The following ZNF701 variants were observed in gnomAD, a reference collection of about 807,000 sequenced individuals.
ZNF701 encodes zinc finger protein 701.
A neutral mutation model predicts 7.1 loss-of-function variants in ZNF701; 6 were observed. That is an observed-to-expected ratio of 0.84 (90% CI 0.46 to 1.66). ZNF701 has a LOEUF of 1.66. Among genes scored for constraint, ZNF701 ranks in the 40% most tolerant of loss-of-function variants. The probability of loss-of-function intolerance (pLI) is 0.01; values close to 1 mark genes in which losing one functional copy is unlikely to be tolerated. For synonymous variants in ZNF701, 166 were observed against 188.2 expected, an observed-to-expected ratio of 0.88 and a Z score of 0.97; for missense variants, 541 against 559.2, an observed-to-expected ratio of 0.97 and a Z score of 0.33.
At chr19:52,572,227 G>C in intron 1 of ZNF701, 1 of 352,986 alleles carries the variant, frequency 2.8e-6, no homozygotes, top group Non-Finnish European at 5.4e-6. Flanking sequence ...GATAATTTTT[G>C]TATTTTTAGT....
chr19:52,595,724 GATTTTTGCTTCCCAGAAATCAAGAAAGAT>G, the ZNF701 span: 2 of 1,555,570 alleles, frequency 1.3e-6, no homozygotes, highest in Non-Finnish European at 1.8e-6. Context: ...TCACACTGGA[GATTTTTGCTTCCCAGAAATCAAGAAAGAT>G]ATTCATCACT....
the ZNF701 span, chr19:52,597,256 A>T: frequency 3.6e-6 from 2 of 548,874 alleles, no homozygotes; most frequent in Non-Finnish European, 3.7e-6. Context: ...GAGAAACCTC[A>T]CAAGTGTGAT....
In ZNF701 at chr19:52,582,269, C is replaced by T. The variant is rs1249783332; in HGVS notation, c.210C>T (p.His70=). The change falls in exon 4 of 4, where the codon CAC becomes CAT. Residue 70 remains histidine, a synonymous_variant. Coordinates refer to ENST00000391785, the MANE Select transcript of ZNF701 (RefSeq NM_018260.3). ...STGQGNTEVV[H]TGTLQIHASH... ...GACAAGGCAATACAGAAGTGGTCCA[C>T]ACAGGGACATTGCAAATACATGCAA... 6.2e-7 allele frequency: 1 copy of T among 1,612,682 alleles called. No individual in the cohort carries two copies.
At chr19:52,581,587 A>T (rs1274153396) in intron 3 of ZNF701, among the ~76,000 whole-genome samples, 5 of 152,146 alleles carry the variant, frequency 3.3e-5, no homozygotes, top group African/African-American at 4.8e-5. Context: ...ATGTTGGCGC[A>T]CTGCAACCTT....
At position 52,582,214 on chromosome 19, in the gene ZNF701, A is replaced by C; in HGVS notation, c.155A>C (p.Lys52Thr). 6 of 1,580,644 alleles carry C rather than the reference A, an allele frequency of 3.8e-6. No homozygotes were observed. Among genetic ancestry groups the C allele is most frequent in the Non-Finnish European group, 5.2e-6 (6 of 1,164,330 alleles). Residue 52 changes from lysine to threonine, a missense_variant, in exon 4 of 4, where the codon AAA (lysine) becomes ACA (threonine). Coordinates refer to ENST00000391785, the MANE Select transcript of ZNF701 (RefSeq NM_018260.3). ...RNLVSLDTSS[K>T]CMMKMFSSTG... ...TTATATTTTGTAGATACCTCTTCCAAATGCATGATGAAGATGTTCTCATCA... is the reference window on the plus strand; with the variant it reads ...TTATATTTTGTAGATACCTCTTCCACATGCATGATGAAGATGTTCTCATCA...
At chr19:52,579,618 A>C (rs10460163) in intron 3 of ZNF701, among the ~76,000 whole-genome samples, 54,516 of 140,842 alleles carry the variant, frequency 0.39, 13,548 homozygotes, top group South Asian at 0.53. Flanking sequence ...TCATGCCTAT[A>C]ATCCCAGTAA....
intron 3 of ZNF701, among the ~76,000 whole-genome samples, chr19:52,579,245 G>A (rs62117240): frequency 0.38 from 54,160 of 141,464 alleles, 13,460 homozygotes; most frequent in Non-Finnish European, 0.48. Context: ...TCTTAAAGTT[G>A]GCCAGGCGCG....
chr19:52,582,690 A>G lies in ZNF701; in HGVS notation c.631A>G (p.Arg211Gly). Residue 211 changes from arginine (R) to glycine (G), a missense_variant, in exon 4 of 4, where the codon AGA becomes GGA. By Grantham distance (125) the Arg-to-Gly change is moderately radical (BLOSUM62 -2). Coordinates refer to ENST00000391785, the MANE Select transcript of ZNF701 (RefSeq NM_018260.3). ...CACACAAAAACGGGAAGTACACACAAGAGAAAAATCTTTCCAACGTAATGA... is the reference window on the plus strand; with the variant it reads ...CACACAAAAACGGGAAGTACACACAGGAGAAAAATCTTTCCAACGTAATGA... ...LLTQKREVHT[R>G]EKSFQRNESG... 1 of 1,614,126 alleles carries G rather than the reference A, an allele frequency of 6.2e-7. No individual in the cohort carries two copies. Among genetic ancestry groups the G allele is most frequent in the Non-Finnish European group, 8.5e-7 (1 of 1,179,964 alleles).
chr19:52,590,510 C>T (rs768966218), downstream of ZNF701, among the ~76,000 whole-genome samples: 13 of 152,088 alleles, frequency 8.5e-5, no homozygotes, highest in Non-Finnish European at 1.6e-4. Context: ...TCATAATTTC[C>T]ATACGTTGGT....
rs2059918668 is a variant in ZNF701 at position 52,574,232 on chromosome 19, T to A, written c.15+70T>A. ...GAAATGCTGATCTTGGAGTTGGGAA[T>A]CTTCTCTGAGTCTCAAGTGTCCTGC... is the stretch of plus-strand genomic sequence containing the variant. On this transcript the variant is annotated intron_variant, in intron 2 of 3. Transcript: ENST00000391785. The A allele has an allele frequency of 6.9e-6, 11 of 1,587,958 alleles. No homozygotes were observed. In the South Asian group the frequency reaches 1.2e-4, roughly 18 times the overall value.
the ZNF701 span, chr19:52,596,849 ACTGT>A: frequency 7.3e-6 from 4 of 547,602 alleles, no homozygotes; most frequent in South Asian, 1.4e-5. Flanking sequence ...TAGACTTCAT[ACTGT>A]CTAAGGTTTC....
At position 52,575,444 on chromosome 19, in the gene ZNF701, ATTTTTTT is replaced by A. The variant is rs56786587; in HGVS notation, c.16-447_16-441del. Reference sequence around the variant, plus strand: ...TTTTTTGTGAGTGTGTGTAGGTTTTATTTTTTTTTTAACATATACAAAATAGAATTTT... The same window carrying A: ...TTTTTTGTGAGTGTGTGTAGGTTTTATTTAACATATACAAAATAGAATTTT... On this transcript the variant is annotated intron_variant, in intron 2 of 3. Transcript: ENST00000391785. Among the ~76,000 whole-genome samples, 374 of 150,522 alleles carry A rather than the reference ATTTTTTT, an allele frequency of 2.5e-3. 2 individuals are homozygous for A. The highest frequency in any genetic ancestry group is 8.8e-3 in the African/African-American group (362 of 41,096).
At chr19:52,571,420 A>C (rs1026661390) in intron 1 of ZNF701, among the ~76,000 whole-genome samples, 1 of 152,188 alleles carries the variant, frequency 6.6e-6, no homozygotes, top group African/African-American at 2.4e-5. Flanking sequence ...GCAGAGATGC[A>C]GAGATGGGAT....
chr19:52,574,430 G>A (rs1440836846), intron 2 of ZNF701, among the ~76,000 whole-genome samples: 1 of 152,172 alleles, frequency 6.6e-6, no homozygotes, highest in Non-Finnish European at 1.5e-5. Flanking sequence ...GTCCCGCAGT[G>A]TCAGTGCTGT....
chr19:52,597,232 G>T, the ZNF701 span: 7 of 550,722 alleles, frequency 1.3e-5, no homozygotes, highest in Non-Finnish European at 2.2e-5. Flanking sequence ...AAACATAGGA[G>T]AATTCATACA....
chr19:52,578,212 C>T (rs2059948862), intron 3 of ZNF701, among the ~76,000 whole-genome samples: 1 of 141,418 alleles, frequency 7.1e-6, no homozygotes. Flanking sequence ...CGAGATCGCA[C>T]CACTGCACTC....
In ZNF701 at chr19:52,584,572, G is replaced by A. The variant is rs1963909501; in HGVS notation, c.*1115G>A. On this transcript the variant is annotated 3_prime_UTR_variant, in exon 4 of 4. Transcript: ENST00000391785. ...ATATTGATTTTTCCAAACCATCAAT[G>A]TGGGTTGTATATATATGTTTTTAAT... The A allele has an allele frequency of 6.6e-6, 1 of 152,244 alleles. No individual in the cohort carries two copies. The highest frequency in any genetic ancestry group is 2.4e-5 in the African/African-American group (1 of 41,442). 9.4% of individuals were successfully genotyped at this position (152,244 alleles called of 1,614,324 possible). A position where few individuals can be genotyped will look rare whatever the true frequency, so the allele number is the denominator to read the frequency against.
the ZNF701 span, among the ~76,000 whole-genome samples, chr19:52,600,139 T>A: frequency 1.4e-4 from 22 of 152,360 alleles, no homozygotes; most frequent in Non-Finnish European, 3.2e-4. Context: ...AAAATGATTT[T>A]TATTTCTTTA....
chr19:52,574,218 C>T, intron 2 of ZNF701, 56 bp downstream of exon 2: 1 of 1,597,264 alleles, frequency 6.3e-7, no homozygotes, highest in Non-Finnish European at 8.6e-7. Context: ...AAATGCTGAT[C>T]TTGGAGTTGG....
Sources: allele counts gnomAD v4.1 joint callset (sites outside exome capture counted in the v4.1 genomes callset), GRCh38; gene constraint gnomAD v4.1.1; transcripts MANE v1.5; gene names NCBI Gene and HGNC (gene_info 2026-07-23, HGNC 2026-07-21).